Variants in TNNI3K observed in about 807,000 individuals in gnomAD.
TNNI3K encodes the protein serine/threonine-protein kinase TNNI3K.
TNNI3K carries 140 observed loss-of-function variants against 114.5 expected under a neutral mutation model. The observed-to-expected ratio is 1.22, with a 90% CI of 1.07 to 1.41. TNNI3K has a LOEUF of 1.41. TNNI3K is among the 40% of genes most tolerant of loss of function. The pLI is 0.00. For synonymous variants in TNNI3K, 347 were observed against 347.5 expected (o/e 1.00, Z 0.02); for missense variants, 1,125 against 1,007.6 (o/e 1.12, Z -1.58).
At position 74,367,308 on chromosome 1, in the gene TNNI3K, A is replaced by G. The variant is rs1662326672; in HGVS notation, c.1230A>G (p.Glu410=). ...AGCATTATAAGAGACCACAAGATGA[A>G]TTGCCCTGTAATGAATATTCTCAGC... ...LLKHYKRPQD[E]LPCNEYSQPG... Residue 410 remains glutamate (E), a synonymous_variant, in exon 12 of 25, where the codon GAA becomes GAG. Transcript: ENST00000326637. 6.8e-6 allele frequency: 11 copies of G among 1,612,162 alleles called. No individual in the cohort carries two copies. Among genetic ancestry groups the G allele is most frequent in the Non-Finnish European group, 9.3e-6 (11 of 1,178,776 alleles).
At chr1:74,527,889 A>T (rs1277389048) in intron 23 of TNNI3K, among the ~76,000 whole-genome samples, 1 of 152,098 alleles carries the variant, frequency 6.6e-6, no homozygotes, top group African/African-American at 2.4e-5. Flanking sequence ...TATGTGGTGG[A>T]TGGGAGTGGT....
chr1:74,361,431 A>G (rs1242038583), intron 11 of TNNI3K, among the ~76,000 whole-genome samples: 1 of 152,132 alleles, frequency 6.6e-6, no homozygotes, highest in Non-Finnish European at 1.5e-5. Context: ...TTTTTCCACT[A>G]GATAGCATTG....
chr1:74,376,719 G>A (rs967757676), intron 17 of TNNI3K: 1 of 151,856 alleles, frequency 6.6e-6, no homozygotes, highest in Non-Finnish European at 1.5e-5. Flanking sequence ...TGCCGTAGGG[G>A]TACAGGTGAG....
chr1:74,449,119 T>A (rs1666857960), intron 20 of TNNI3K, among the ~76,000 whole-genome samples: 1 of 148,762 alleles, frequency 6.7e-6, no homozygotes, highest in African/African-American at 2.5e-5. Flanking sequence ...GGTAAACTAT[T>A]GATTATTGCC....
At chr1:74,542,944 A>G (rs1646742868) in intron 24 of TNNI3K, among the ~76,000 whole-genome samples, 1 of 152,036 alleles carries the variant, frequency 6.6e-6, no homozygotes, top group Non-Finnish European at 1.5e-5. Flanking sequence ...TGCCACTGGT[A>G]TTTAGACCTA....
At chr1:74,530,827 C>T (rs769698017) in intron 23 of TNNI3K, among the ~76,000 whole-genome samples, 1 of 151,418 alleles carries the variant, frequency 6.6e-6, no homozygotes, top group Non-Finnish European at 1.5e-5. Flanking sequence ...CATGCAAAGT[C>T]TGCCTCTTAA....
intron 17 of TNNI3K, among the ~76,000 whole-genome samples, chr1:74,384,636 A>G (rs780152353): frequency 6.6e-6 from 1 of 152,088 alleles, no homozygotes; most frequent in Non-Finnish European, 1.5e-5. Flanking sequence ...TTTTCATTTG[A>G]CTTTCAATGA....
At chr1:74,350,677 T>G (rs1661288772) in intron 9 of TNNI3K, among the ~76,000 whole-genome samples, 1 of 152,044 alleles carries the variant, frequency 6.6e-6, no homozygotes, top group African/African-American at 2.4e-5. Flanking sequence ...ATATTTAGGA[T>G]AGTTAGTTCT....
intron 5 of TNNI3K, among the ~76,000 whole-genome samples, chr1:74,329,583 T>G (rs1016678630): frequency 6.6e-6 from 1 of 152,114 alleles, no homozygotes; most frequent in African/African-American, 2.4e-5. Flanking sequence ...GGTAAGCATG[T>G]AAAATAATAG....
In TNNI3K at chr1:74,520,718, G is replaced by A. The variant is rs866371285; in HGVS notation, c.2352-19516G>A. Among the ~76,000 whole-genome samples the A allele has an allele frequency of 2.0e-5, 3 of 152,070 alleles. 1 individual carries two copies. The highest frequency in any genetic ancestry group is 1.3e-4 in the Admixed American group (2 of 15,256). ...AAAAGAGAAGGAAGGGAGGCCTGGG[G>A]CATACTATGTGGTATTTGGGACTTG... is the stretch of plus-strand genomic sequence containing the variant. On this transcript the variant is annotated intron_variant, in intron 23 of 24. Transcript: ENST00000326637.
intron 17 of TNNI3K, among the ~76,000 whole-genome samples, chr1:74,389,032 G>T (rs77982849): frequency 3.0e-3 from 453 of 152,314 alleles, no homozygotes; most frequent in Middle Eastern, 0.01. Context: ...TGGATGAAGA[G>T]ACCATGCCCC....
chr1:74,242,039 C>T (rs1016656931), intron 2 of TNNI3K, among the ~76,000 whole-genome samples: 13 of 151,698 alleles, frequency 8.6e-5, no homozygotes, highest in Admixed American at 3.9e-4. Context: ...TTAGTAGAGA[C>T]GGGGTTTCAC....
In TNNI3K at chr1:74,242,671, A is replaced by C. The variant is rs1654315509; in HGVS notation, c.149+6461A>C. On this transcript the variant is annotated intron_variant, in intron 2 of 24. Coordinates refer to ENST00000326637, the MANE Select transcript of TNNI3K (RefSeq NM_015978.3). Reference sequence around the variant, plus strand: ...ATTAGCCACAAAACAAAAAATAAGAATCGTCAACAACAAAAAAAACCCTCA... The same window carrying C: ...ATTAGCCACAAAACAAAAAATAAGACTCGTCAACAACAAAAAAAACCCTCA... Among the ~76,000 whole-genome samples, 16 of 152,310 alleles carry C rather than the reference A, an allele frequency of 1.1e-4. No individual in the cohort carries two copies. The South Asian group carries it at 3.3e-3, about 32-fold the overall frequency.
At chr1:74,376,477 A>G (rs548754161) in intron 17 of TNNI3K, 3 of 152,122 alleles carry the variant, frequency 2.0e-5, no homozygotes, top group East Asian at 1.9e-4. Context: ...ATGCAGACCA[A>G]TTAACTGATT....
At chr1:74,284,252 C>T (rs376893003) in intron 5 of TNNI3K, among the ~76,000 whole-genome samples, 2 of 152,108 alleles carry the variant, frequency 1.3e-5, no homozygotes, top group East Asian at 1.9e-4. Context: ...CTATAAACAT[C>T]GTGTGAGTTG....
chr1:74,388,283 A>G (rs2100562606), intron 17 of TNNI3K, among the ~76,000 whole-genome samples: 1 of 152,264 alleles, frequency 6.6e-6, no homozygotes, highest in Non-Finnish European at 1.5e-5. Flanking sequence ...GTCACAAAAA[A>G]AATAATAATA....
intron 17 of TNNI3K, chr1:74,373,450 G>T (rs763411452): frequency 6.6e-6 from 1 of 151,908 alleles, no homozygotes; most frequent in Non-Finnish European, 1.5e-5. Context: ...ACACTTATTT[G>T]CATTTGTATT....
At chr1:74,405,752 C>A (rs1435052955) in intron 17 of TNNI3K, among the ~76,000 whole-genome samples, 1 of 152,140 alleles carries the variant, frequency 6.6e-6, no homozygotes, top group Non-Finnish European at 1.5e-5. Flanking sequence ...AACTACTGGG[C>A]TCCCTGTAAA....
At chr1:74,367,053 C>T (rs1323048598) in intron 11 of TNNI3K, among the ~76,000 whole-genome samples, 1 of 151,940 alleles carries the variant, frequency 6.6e-6, no homozygotes, top group African/African-American at 2.4e-5. Context: ...CAGTAGAGTG[C>T]CTGACATAGT....
Sources: allele counts gnomAD v4.1 joint callset (sites outside exome capture counted in the v4.1 genomes callset), GRCh38; gene constraint gnomAD v4.1.1; transcripts MANE v1.5; gene names NCBI Gene and HGNC (gene_info 2026-07-23, HGNC 2026-07-21).